The following FOXK1 variants were observed in gnomAD, a reference collection of about 807,000 sequenced individuals.
FOXK1 encodes the protein forkhead box protein K1.
A neutral mutation model predicts 51.9 loss-of-function variants in FOXK1; 19 were observed. The observed-to-expected ratio is 0.37, with a 90% confidence interval of 0.26 to 0.54. The LOEUF (loss-of-function observed/expected upper bound fraction) is 0.54, where lower values mean the gene tolerates loss of function less well. FOXK1 is among the 20% of genes least tolerant of loss of function. The probability of loss-of-function intolerance (pLI) is 0.87; values close to 1 mark genes in which losing one functional copy is unlikely to be tolerated. For missense variants in FOXK1, 870 were observed against 1,032.7 expected (o/e 0.84, Z 2.16); for synonymous variants, 537 against 482.6 (o/e 1.11, Z -1.48).
intron 2 of FOXK1, among the ~76,000 whole-genome samples, chr7:4,752,637 C>G (rs1038773013): frequency 1.1e-4 from 16 of 152,202 alleles, no homozygotes; most frequent in Admixed American, 7.2e-4. Flanking sequence ...AGTGGCCATT[C>G]CCCAGCCTGT....
intron 1 of FOXK1, among the ~76,000 whole-genome samples, chr7:4,739,934 T>A (rs1011003859): frequency 2.0e-5 from 3 of 152,170 alleles, no homozygotes; most frequent in Non-Finnish European, 4.4e-5. Context: ...GGAGCCTGCG[T>A]GGGAGATGGC....
In FOXK1 at chr7:4,723,725, T is replaced by C. The variant is rs1780343136; in HGVS notation, c.561-17113T>C. On this transcript the variant is annotated intron_variant, in intron 1 of 8. Coordinates refer to ENST00000328914, the MANE Select transcript of FOXK1 (RefSeq NM_001037165.2). This position sits in a 1 kb window ranked among gnomAD's most constrained non-coding sequence, Gnocchi z 4.7. Reference sequence around the variant, plus strand: ...CTCTGTCTCCCAGGCTGGAGTGCAGTGGTGCAATCGTAGCTCACTGCAGCC... The same window carrying C: ...CTCTGTCTCCCAGGCTGGAGTGCAGCGGTGCAATCGTAGCTCACTGCAGCC... Among the ~76,000 whole-genome samples, 1 of 152,204 alleles carries C rather than the reference T, an allele frequency of 6.6e-6. No homozygotes were observed. Among genetic ancestry groups the C allele is most frequent in the South Asian group, 2.1e-4 (1 of 4,830 alleles).
chr7:4,756,847 G>T lies in FOXK1; in HGVS notation c.1051-147G>T. ...TGCCCTGTGCCTCGGTGCTGCTCCC[G>T]TGAGGCCCAGCCAGCACAGCACCAA... On this transcript the variant is annotated intron_variant, in intron 4 of 8. Coordinates refer to ENST00000328914, the MANE Select transcript of FOXK1 (RefSeq NM_001037165.2). This position sits in a 1 kb window ranked among gnomAD's most constrained non-coding sequence, Gnocchi z 4.1. 1.3e-6 allele frequency: 1 copy of T among 764,374 alleles called. No homozygotes were observed. The highest frequency in any genetic ancestry group is 2.1e-6 in the Non-Finnish European group (1 of 486,754). 47.3% of individuals were successfully genotyped at this position (764,374 alleles called of 1,614,324 possible). A position where few individuals can be genotyped will look rare whatever the true frequency, so the allele number is the denominator to read the frequency against.
In FOXK1 at chr7:4,720,669, T is replaced by C. The variant is rs113908433; in HGVS notation, c.561-20169T>C. Among the ~76,000 whole-genome samples the C allele has an allele frequency of 6.6e-3, 996 of 151,976 alleles. 9 individuals are homozygous for C. Among genetic ancestry groups the C allele is most frequent in the African/African-American group, 0.023 (941 of 41,474 alleles). On this transcript the variant is annotated intron_variant, in intron 1 of 8. Transcript: ENST00000328914. ...GCTTCCTGAGAATTAGGCAGACCTG[T>C]TGGAAACTGGCTTTGTATGCTGCGT...
At chr7:4,740,178 C>G (rs1245351600) in intron 1 of FOXK1, among the ~76,000 whole-genome samples, 1 of 152,082 alleles carries the variant, frequency 6.6e-6, no homozygotes, top group Non-Finnish European at 1.5e-5. Context: ...CGCCTGTAAT[C>G]CCAGCACTTT....
At chr7:4,736,964 G>T (rs1392799042) in intron 1 of FOXK1, among the ~76,000 whole-genome samples, 2 of 152,228 alleles carry the variant, frequency 1.3e-5, no homozygotes, top group African/African-American at 2.4e-5. Context: ...TGGAGTTGGG[G>T]AGTGATTTAG....
rs938057323 is a variant in FOXK1, at chr7:4,749,989, G to A, written c.747-4470G>A. Among the ~76,000 whole-genome samples the A allele has an allele frequency of 2.0e-5, 3 of 152,238 alleles. No individual in the cohort carries two copies. Among genetic ancestry groups the A allele is most frequent in the African/African-American group, 7.2e-5 (3 of 41,464 alleles). On this transcript the variant is annotated intron_variant, in intron 2 of 8. Coordinates refer to ENST00000328914, the MANE Select transcript of FOXK1 (RefSeq NM_001037165.2). This position sits in a 1 kb window ranked among gnomAD's most constrained non-coding sequence, Gnocchi z 6.0. ...CACCTTCTAGGCCCGGCCCCTGGAT[G>A]CGGTGGAGGCTGCCCGGGGTGGGTC...
intron 1 of FOXK1, among the ~76,000 whole-genome samples, chr7:4,698,185 G>A (rs1562369959): frequency 6.6e-6 from 1 of 152,064 alleles, no homozygotes; most frequent in Non-Finnish European, 1.5e-5. Flanking sequence ...AATGTTGCAA[G>A]ATGAGTCCAA....
At position 4,682,581 on chromosome 7, in the gene FOXK1, G is replaced by A; in HGVS notation, c.273G>A (p.Val91=). ...SAVAGAAPAL[V]AAAAASVRQS... ...TCGCGGGCGCGGCGCCGGCCCTGGT[G>A]GCCGCGGCGGCCGCCTCGGTACGGC... Residue 91 remains valine, a synonymous_variant, in exon 1 of 9, where the codon GTG becomes GTA. Transcript: ENST00000328914. This position sits in a 1 kb window ranked among gnomAD's most constrained non-coding sequence, Gnocchi z 7.6. 19 of 1,243,882 alleles carry A rather than the reference G, an allele frequency of 1.5e-5. No individual in the cohort carries two copies. The highest frequency in any genetic ancestry group is 4.3e-5 in the Admixed American group (1 of 23,366). 77.1% of individuals were successfully genotyped at this position (1,243,882 alleles called of 1,614,324 possible). A position where few individuals can be genotyped will look rare whatever the true frequency, so the allele number is the denominator to read the frequency against.
intron 1 of FOXK1, among the ~76,000 whole-genome samples, chr7:4,739,024 G>A (rs1035901751): frequency 5.3e-5 from 8 of 152,136 alleles, no homozygotes; most frequent in Non-Finnish European, 7.4e-5. Context: ...CCTCAGTCCC[G>A]TCTTTCAAAA....
At chr7:4,689,475 C>T (rs886879710) in intron 1 of FOXK1, among the ~76,000 whole-genome samples, 6 of 152,098 alleles carry the variant, frequency 3.9e-5, no homozygotes, top group African/African-American at 7.2e-5. Context: ...TAAAAACATC[C>T]GGAGATCCTT....
chr7:4,740,177 TC>T (rs1780614075), intron 1 of FOXK1, among the ~76,000 whole-genome samples: 1 of 152,122 alleles, frequency 6.6e-6, no homozygotes, highest in African/African-American at 2.4e-5. Flanking sequence ...ACGCCTGTAA[TC>T]CCAGCACTTT....
At position 4,767,757 on chromosome 7, in the gene FOXK1, C is replaced by T. The variant is rs916324983; in HGVS notation, c.*5293C>T. The T allele has an allele frequency of 6.6e-6, 1 of 152,118 alleles. No individual in the cohort carries two copies. The highest frequency in any genetic ancestry group is 2.1e-4 in the South Asian group (1 of 4,832). 9.4% of individuals were successfully genotyped at this position (152,118 alleles called of 1,614,324 possible). A position where few individuals can be genotyped will look rare whatever the true frequency, so the allele number is the denominator to read the frequency against. On this transcript the variant is annotated 3_prime_UTR_variant, in exon 9 of 9. Coordinates refer to ENST00000328914, the MANE Select transcript of FOXK1 (RefSeq NM_001037165.2). The surrounding 1 kb of genome is among the most constrained non-coding windows in gnomAD (Gnocchi z 6.6). ...AGTGCTCAGGACACGGTTTTCATCA[C>T]ATACTTACTGTTTTTTTGGTTGGGT...
At position 4,734,080 on chromosome 7, in the gene FOXK1, T is replaced by C. The variant is rs1345364681; in HGVS notation, c.561-6758T>C. Reference sequence around the variant, plus strand: ...ACCCATGTCCTCAACCCCTAACCACTGAAGCGATGCCTGTGTTTTAACCTT... The same window carrying C: ...ACCCATGTCCTCAACCCCTAACCACCGAAGCGATGCCTGTGTTTTAACCTT... On this transcript the variant is annotated intron_variant, in intron 1 of 8. Coordinates refer to ENST00000328914, the MANE Select transcript of FOXK1 (RefSeq NM_001037165.2). This position sits in a 1 kb window ranked among gnomAD's most constrained non-coding sequence, Gnocchi z 5.2. Among the ~76,000 whole-genome samples the C allele has an allele frequency of 6.6e-6, 1 of 152,106 alleles. No homozygotes were observed. The highest frequency in any genetic ancestry group is 2.4e-5 in the African/African-American group (1 of 41,420).
chr7:4,686,452 G>A (rs1226558863), intron 1 of FOXK1, among the ~76,000 whole-genome samples: 1 of 152,150 alleles, frequency 6.6e-6, no homozygotes, highest in Non-Finnish European at 1.5e-5. Context: ...AAAGACTTGT[G>A]ACCCAGCTTA....
At chr7:4,757,293 T>C (rs934832001) in intron 5 of FOXK1, 106 bp downstream of exon 5, 1 of 1,032,888 alleles carries the variant, frequency 9.7e-7, no homozygotes, top group Non-Finnish European at 1.4e-6. Context: ...GGGCTCAGGC[T>C]CAGTGTACGG....
In FOXK1 at chr7:4,683,560, C is replaced by T. The variant is rs1020317970; in HGVS notation, c.560+692C>T. On this transcript the variant is annotated intron_variant, in intron 1 of 8. Coordinates refer to ENST00000328914, the MANE Select transcript of FOXK1 (RefSeq NM_001037165.2). This position sits in a 1 kb window ranked among gnomAD's most constrained non-coding sequence, Gnocchi z 4.5. ...CTGCTGCCTGGGCCTGGGGATCACC[C>T]TCAACCCTTCCAGGTCACCCTGGAC... Among the ~76,000 whole-genome samples, 4 of 152,036 alleles carry T rather than the reference C, an allele frequency of 2.6e-5. No individual in the cohort carries two copies. Among genetic ancestry groups the T allele is most frequent in the Non-Finnish European group, 5.9e-5 (4 of 67,954 alleles).
intron 1 of FOXK1, among the ~76,000 whole-genome samples, chr7:4,692,400 G>A (rs1394081443): frequency 6.6e-6 from 1 of 152,010 alleles, no homozygotes; most frequent in East Asian, 1.9e-4. Flanking sequence ...TTCTTTTTTT[G>A]TTGTTTTGTT....
intron 3 of FOXK1, chr7:4,754,894 G>C: frequency 1.7e-6 from 1 of 582,316 alleles, no homozygotes; most frequent in Non-Finnish European, 3.0e-6. Context: ...GCAGCCCGGC[G>C]TCAAAGCCTT....
Sources: allele counts gnomAD v4.1 joint callset (sites outside exome capture counted in the v4.1 genomes callset), GRCh38; gene constraint gnomAD v4.1.1; non-coding constraint Gnocchi (gnomAD v3.1); transcripts MANE v1.5; gene names NCBI Gene and HGNC (gene_info 2026-07-23, HGNC 2026-07-21).